GPHN: variants seen among roughly 807,000 people sequenced by gnomAD.
The protein encoded by GPHN is gephyrin.
GPHN carries 17 observed loss-of-function variants against 95.5 expected under a neutral mutation model. That is an observed-to-expected ratio of 0.18 (90% CI 0.12 to 0.27). The LOEUF is 0.27. Among genes scored for constraint, GPHN ranks in the 10% least tolerant of loss-of-function variants. The pLI is 1.00. For synonymous variants in GPHN, 320 were observed against 322.5 expected (o/e 0.99, Z 0.08); for missense variants, 660 against 978.1 (o/e 0.67, Z 4.34).
At chr14:67,651,183 G>GTATATCATACTGGTCTTGTTGCTGT in the GPHN span, 1 of 1,038,200 alleles carries the variant, frequency 9.6e-7, no homozygotes, top group African/African-American at 1.6e-5. Flanking sequence ...TATTACCTTG[G>GTATATCATACTGGTCTTGTTGCTGT]TATATCATAC....
chr14:66,920,533 CT>C (rs753181787), intron 6 of GPHN, among the ~76,000 whole-genome samples: 1,431 of 137,774 alleles, frequency 0.01, 10 homozygotes, highest in South Asian at 0.014. Flanking sequence ...GCAGTGCATG[CT>C]TTTTTTTTTT....
the GPHN span, among the ~76,000 whole-genome samples, chr14:67,493,550 G>T: frequency 6.6e-6 from 1 of 152,158 alleles, no homozygotes. Flanking sequence ...AACTTTTTCT[G>T]CCTGAGTGCT....
chr14:67,350,336 C>A, the GPHN span, among the ~76,000 whole-genome samples: 1 of 151,956 alleles, frequency 6.6e-6, no homozygotes, highest in Non-Finnish European at 1.5e-5. Flanking sequence ...AAAGATCATA[C>A]AGCCATGTTG....
At chr14:67,037,755 C>G in intron 10 of GPHN, among the ~76,000 whole-genome samples, 1 of 150,788 alleles carries the variant, frequency 6.6e-6, no homozygotes, top group Non-Finnish European at 1.5e-5. Flanking sequence ...GAGATACCAC[C>G]TAACACCATT....
chr14:67,705,081 T>C, the GPHN span, among the ~76,000 whole-genome samples: 1 of 152,220 alleles, frequency 6.6e-6, no homozygotes, highest in Non-Finnish European at 1.5e-5. Flanking sequence ...TAAAGGTTTA[T>C]TGGAAGCCAA....
intron 9 of GPHN, among the ~76,000 whole-genome samples, chr14:66,971,824 C>A (rs1358495837): frequency 2.6e-5 from 4 of 152,068 alleles, no homozygotes; most frequent in Admixed American, 1.3e-4. Context: ...ATAAATTCTT[C>A]CAAAAGTTGA....
At chr14:67,008,912 C>A (rs963748492) in intron 9 of GPHN, among the ~76,000 whole-genome samples, 5 of 152,100 alleles carry the variant, frequency 3.3e-5, no homozygotes, top group Admixed American at 6.5e-5. Context: ...AGTTCCAGAT[C>A]AGGGGTTATA....
At chr14:67,661,694 G>A in the GPHN span, among the ~76,000 whole-genome samples, 4 of 151,112 alleles carry the variant, frequency 2.6e-5, no homozygotes, top group Middle Eastern at 3.4e-3. Context: ...ACCAAACCTC[G>A]GTAATTTTTT....
At chr14:67,411,391 TC>T in the GPHN span, among the ~76,000 whole-genome samples, 1 of 152,038 alleles carries the variant, frequency 6.6e-6, no homozygotes, top group Non-Finnish European at 1.5e-5. Flanking sequence ...GTCCTCAGTT[TC>T]CCCGTCTGTA....
At chr14:66,777,103 A>G (rs1200503557) in intron 3 of GPHN, among the ~76,000 whole-genome samples, 1 of 152,120 alleles carries the variant, frequency 6.6e-6, no homozygotes, top group Non-Finnish European at 1.5e-5. Flanking sequence ...AAAAGAGAGA[A>G]GAATCAAATA....
chr14:67,142,777 CACTCTAAGCAGGCCATTTT>C (rs1344426306), intron 17 of GPHN, among the ~76,000 whole-genome samples: 1 of 152,206 alleles, frequency 6.6e-6, no homozygotes, highest in African/African-American at 2.4e-5. Context: ...TCAAGTCCTT[CACTCTAAGCAGGCCATTTT>C]CCACAGTGAC....
the GPHN span, among the ~76,000 whole-genome samples, chr14:67,665,329 C>A: frequency 6.8e-6 from 1 of 147,088 alleles, no homozygotes; most frequent in Non-Finnish European, 1.5e-5. Flanking sequence ...CGGCTCACTG[C>A]AGCCTCGACC....
the GPHN span, among the ~76,000 whole-genome samples, chr14:67,297,431 G>GT: frequency 1.4e-4 from 22 of 151,980 alleles, no homozygotes; most frequent in East Asian, 3.9e-4. Flanking sequence ...AATTTTACTA[G>GT]TTTTTTTTGT....
At chr14:67,531,278 C>G in the GPHN span, among the ~76,000 whole-genome samples, 5 of 152,182 alleles carry the variant, frequency 3.3e-5, no homozygotes, top group East Asian at 9.7e-4. Flanking sequence ...GATCTTATCT[C>G]TTAAAAGAAA....
At chr14:66,834,778 T>G (rs573404863) in intron 4 of GPHN, among the ~76,000 whole-genome samples, 1 of 149,452 alleles carries the variant, frequency 6.7e-6, no homozygotes, top group African/African-American at 2.5e-5. Context: ...ATAAAATGAG[T>G]TAGGGAGGAT....
intron 4 of GPHN, among the ~76,000 whole-genome samples, chr14:66,869,400 T>G (rs1289522973): frequency 6.6e-6 from 1 of 152,224 alleles, no homozygotes; most frequent in African/African-American, 2.4e-5. Context: ...AGTTTTATTC[T>G]CTTATTCTTT....
intron 1 of GPHN, among the ~76,000 whole-genome samples, chr14:66,538,906 T>C (rs977107552): frequency 1.3e-5 from 2 of 152,168 alleles, no homozygotes; most frequent in Non-Finnish European, 2.9e-5. Flanking sequence ...ATGTAGAGGC[T>C]GAAGGTGATA....
the GPHN span, among the ~76,000 whole-genome samples, chr14:67,554,512 G>T: frequency 6.6e-6 from 1 of 152,206 alleles, no homozygotes; most frequent in African/African-American, 2.4e-5. Context: ...CTGGGACAAG[G>T]CAGGCTGGGG....
the GPHN span, chr14:67,411,910 T>C: frequency 9.7e-7 from 1 of 1,032,628 alleles, no homozygotes; most frequent in Middle Eastern, 2.1e-4. Flanking sequence ...GGGTTGGGGA[T>C]GGGAACCAGA....
Sources: allele counts gnomAD v4.1 joint callset (sites outside exome capture counted in the v4.1 genomes callset), GRCh38; gene constraint gnomAD v4.1.1; transcripts MANE v1.5; gene names NCBI Gene and HGNC (gene_info 2026-07-23, HGNC 2026-07-21).